DLG2: variants seen among roughly 807,000 people sequenced by gnomAD.
The protein encoded by DLG2 is discs large MAGUK scaffold protein 2.
Under a neutral mutation model 132.5 loss-of-function variants are expected in DLG2, and 45 were observed. That is an observed-to-expected ratio of 0.34 (90% CI 0.27 to 0.44). The LOEUF is 0.44. DLG2 is among the 20% of genes least tolerant of loss of function. The pLI, the probability that DLG2 is intolerant of heterozygous loss-of-function variation, is 1.00. For missense variants in DLG2, 1,045 were observed against 1,196.9 expected (o/e 0.87, Z 1.87); for synonymous variants, 424 against 419.6 (o/e 1.01, Z -0.13).
At chr11:85,414,812 A>G (rs2089672070) in intron 3 of DLG2, among the ~76,000 whole-genome samples, 4 of 151,738 alleles carry the variant, frequency 2.6e-5, no homozygotes. Flanking sequence ...TGATTGTGAC[A>G]TTTTCCTGTT....
At position 85,028,063 on chromosome 11, in the gene DLG2, G is replaced by A. The variant is rs138518884; in HGVS notation, c.357+83598C>T. Among the ~76,000 whole-genome samples the A allele has an allele frequency of 3.3e-5, 5 of 152,316 alleles. No individual in the cohort carries two copies. The East Asian group carries it at 5.8e-4, about 18-fold the overall frequency. On this transcript the variant is annotated intron_variant, in intron 6 of 27. Transcript: ENST00000376104. ...AGCTTCATCAAGAGGCAGAAGAGCC[G>A]AAGTGGGTAGCTCCTTTCTGCAGGC...
chr11:84,221,347 C>T (rs1002873552), intron 8 of DLG2, among the ~76,000 whole-genome samples: 7 of 151,882 alleles, frequency 4.6e-5, no homozygotes, highest in Admixed American at 2.0e-4. Context: ...GCCTGTAGTC[C>T]CAGCTACTCA....
At chr11:85,187,888 G>A (rs967100243) in intron 4 of DLG2, among the ~76,000 whole-genome samples, 1 of 152,078 alleles carries the variant, frequency 6.6e-6, no homozygotes, top group Admixed American at 6.6e-5. Context: ...GTGCTGGTTG[G>A]GGCATGCAAA....
chr11:84,636,775 G>A (rs1039920498), intron 6 of DLG2, among the ~76,000 whole-genome samples: 30 of 123,542 alleles, frequency 2.4e-4, no homozygotes, highest in African/African-American at 8.0e-4. Flanking sequence ...CTGATCTCAA[G>A]GGATGCACAT....
chr11:83,617,945 C>G (rs2061080474), intron 19 of DLG2, among the ~76,000 whole-genome samples: 1 of 152,100 alleles, frequency 6.6e-6, no homozygotes, highest in South Asian at 2.1e-4. Flanking sequence ...TGCAGTGAGC[C>G]AAGATCTTGG....
chr11:85,182,647 C>A (rs779774020), intron 4 of DLG2, among the ~76,000 whole-genome samples: 3 of 151,414 alleles, frequency 2.0e-5, no homozygotes. Flanking sequence ...CCTGTGTGAA[C>A]ACACACATTC....
intron 3 of DLG2, among the ~76,000 whole-genome samples, chr11:85,442,257 A>G (rs939732384): frequency 6.6e-6 from 1 of 152,232 alleles, no homozygotes; most frequent in Admixed American, 6.5e-5. Context: ...TGCTGTGGTA[A>G]AAATGGATAC....
In DLG2 at chr11:85,018,397, A is replaced by G. The variant is rs575859649; in HGVS notation, c.357+93264T>C. Among the ~76,000 whole-genome samples, 8 of 152,312 alleles carry G rather than the reference A, an allele frequency of 5.3e-5. No homozygotes were observed. The East Asian group carries it at 1.4e-3, about 26-fold the overall frequency. ...TTTTTAGTTCTGTTGTGGTAGGGAT[A>G]AATTAACTGTCTCTGTCTGACATAT... On this transcript the variant is annotated intron_variant, in intron 6 of 27. Transcript: ENST00000376104.
intron 3 of DLG2, among the ~76,000 whole-genome samples, chr11:85,556,271 A>G (rs909838391): frequency 7.2e-5 from 11 of 151,930 alleles, no homozygotes; most frequent in Non-Finnish European, 1.5e-4. Context: ...GGAGAGCCTA[A>G]GCACCTCACT....
intron 6 of DLG2, among the ~76,000 whole-genome samples, chr11:84,556,667 C>T (rs987031903): frequency 2.0e-5 from 3 of 152,158 alleles, no homozygotes; most frequent in African/African-American, 7.2e-5. Context: ...GGGTGAAGAG[C>T]CTCTGTTCCC....
At position 83,460,999 on chromosome 11, in the gene DLG2, GTTTTTTTTT is replaced by G. The variant is rs10591072; in HGVS notation, c.2821+994_2821+1002del. On this transcript the variant is annotated intron_variant, in intron 27 of 27. Transcript: ENST00000376104. ...GGTAATCCAGGAAGAAAGTTCTTGG[GTTTTTTTTT>G]TTTTTTTTTTTTTTTTTGAGACAGA... Among the ~76,000 whole-genome samples, 79 of 107,046 alleles carry G rather than the reference GTTTTTTTTT, an allele frequency of 7.4e-4. 1 individual carries two copies. Among genetic ancestry groups the G allele is most frequent in the Admixed American group, 1.0e-3 (10 of 9,664 alleles). The allele number at this position is 107,046 out of a possible 152,430, so 70.2% of individuals were successfully genotyped here. A position where few individuals can be genotyped will look rare whatever the true frequency, so the allele number is the denominator to read the frequency against.
chr11:84,746,439 T>C (rs986175039), intron 6 of DLG2, among the ~76,000 whole-genome samples: 4 of 113,478 alleles, frequency 3.5e-5, no homozygotes, highest in African/African-American at 1.3e-4. Context: ...AGTTTAGACT[T>C]GATTAAAAAA....
chr11:84,085,228 T>C (rs1329055955), intron 10 of DLG2, among the ~76,000 whole-genome samples: 7 of 152,238 alleles, frequency 4.6e-5, no homozygotes, highest in Non-Finnish European at 1.5e-5. Flanking sequence ...TTGAATTCAA[T>C]TTCAGCAAAT....
At chr11:85,597,771 A>G (rs1474801098) in intron 3 of DLG2, among the ~76,000 whole-genome samples, 1 of 151,764 alleles carries the variant, frequency 6.6e-6, no homozygotes, top group Non-Finnish European at 1.5e-5. Flanking sequence ...AACCAGCATG[A>G]AAAAGCAATG....
chr11:85,554,735 A>T (rs77300868), intron 3 of DLG2, among the ~76,000 whole-genome samples: 3,076 of 149,936 alleles, frequency 0.021, 111 homozygotes, highest in Admixed American at 0.037. Context: ...CGTTTATTGC[A>T]CCAGAGGTCA....
intron 3 of DLG2, among the ~76,000 whole-genome samples, chr11:85,378,676 T>C (rs769431287): frequency 1.3e-5 from 2 of 152,112 alleles, no homozygotes; most frequent in Non-Finnish European, 2.9e-5. Context: ...AATCACCACT[T>C]AGGAAATAAA....
At chr11:83,491,250 A>C (rs1180581556) in intron 21 of DLG2, among the ~76,000 whole-genome samples, 1 of 151,866 alleles carries the variant, frequency 6.6e-6, no homozygotes, top group African/African-American at 2.4e-5. Context: ...TAAGAAAAAG[A>C]AGCAGATCAG....
At chr11:85,066,210 A>T (rs1289247869) in intron 6 of DLG2, among the ~76,000 whole-genome samples, 1 of 151,764 alleles carries the variant, frequency 6.6e-6, no homozygotes, top group Non-Finnish European at 1.5e-5. Flanking sequence ...AAAGATGAAC[A>T]AATTCCTGGA....
chr11:85,561,832 G>C (rs542285285), intron 3 of DLG2, among the ~76,000 whole-genome samples: 5 of 151,814 alleles, frequency 3.3e-5, no homozygotes, highest in African/African-American at 1.2e-4. Flanking sequence ...CAATTTGATT[G>C]AACACTTATA....
Sources: gnomAD v4.1 joint callset for allele counts (sites outside exome capture counted in the v4.1 genomes callset) on GRCh38, gnomAD v4.1.1 for gene constraint, MANE v1.5 for transcripts, NCBI Gene and HGNC (gene_info 2026-07-23, HGNC 2026-07-21) for gene names.